TEAD1: variants seen among roughly 807,000 people sequenced by gnomAD.
TEAD1 encodes the protein transcriptional enhancer factor TEF-1.
In TEAD1, 9 loss-of-function variants were observed where a neutral mutation model predicts 54.9. That is an observed-to-expected ratio of 0.16 (90% confidence interval 0.10 to 0.29). The LOEUF is 0.29. Among genes scored for constraint, TEAD1 ranks in the 10% least tolerant of loss-of-function variants. The pLI, the probability that TEAD1 is intolerant of heterozygous loss-of-function variation, is 1.00. For missense variants in TEAD1, 387 were observed against 535.9 expected (o/e 0.72, Z 2.74); for synonymous variants, 200 against 187.8 (o/e 1.07, Z -0.53).
chr11:12,829,125 G>A (rs1206993185), intron 3 of TEAD1, among the ~76,000 whole-genome samples: 1 of 152,112 alleles, frequency 6.6e-6, no homozygotes, highest in Non-Finnish European at 1.5e-5. Context: ...CTGATCCAGA[G>A]AAACTCCCCA....
chr11:12,690,231 G>C lies in TEAD1; in HGVS notation c.-55+14670G>C, dbSNP rs141581554. ...CACTCCAACCTGGGCGACAGAGTGA[G>C]ACTCCGTCTCAAAAAAAAAAAAAAA... On this transcript the variant is annotated intron_variant, in intron 2 of 12. Coordinates refer to ENST00000527636, the MANE Select transcript of TEAD1 (RefSeq NM_021961.6). Among the ~76,000 whole-genome samples the C allele has an allele frequency of 3.3e-3, 447 of 134,576 alleles. 1 individual carries two copies. The highest frequency in any genetic ancestry group is 0.011 in the African/African-American group (411 of 35,780). 88.3% of individuals were successfully genotyped at this position (134,576 alleles called of 152,430 possible). A position where few individuals can be genotyped will look rare whatever the true frequency, so the allele number is the denominator to read the frequency against.
intron 3 of TEAD1, among the ~76,000 whole-genome samples, chr11:12,810,846 C>T (rs1456228157): frequency 6.6e-6 from 1 of 152,166 alleles, no homozygotes; most frequent in Non-Finnish European, 1.5e-5. Context: ...TTAGTGGCTG[C>T]TGTTAGTTAA....
chr11:12,906,254 A>G (rs554844366), intron 10 of TEAD1, among the ~76,000 whole-genome samples: 1 of 152,216 alleles, frequency 6.6e-6, no homozygotes, highest in African/African-American at 2.4e-5. Flanking sequence ...TTAAATGTAC[A>G]ATTTAGGCCT....
At chr11:12,750,947 G>T (rs770152837) in intron 2 of TEAD1, among the ~76,000 whole-genome samples, 3 of 152,084 alleles carry the variant, frequency 2.0e-5, no homozygotes, top group Admixed American at 6.5e-5. Flanking sequence ...ATTATTTCCG[G>T]CAACCATTCA....
intron 3 of TEAD1, among the ~76,000 whole-genome samples, chr11:12,835,426 C>G (rs944002887): frequency 2.0e-5 from 3 of 151,728 alleles, no homozygotes; most frequent in Admixed American, 2.0e-4. Context: ...ACTGCAGCTT[C>G]AGCCTCCCAA....
chr11:12,801,275 C>G (rs1946055025), intron 3 of TEAD1, among the ~76,000 whole-genome samples: 1 of 152,164 alleles, frequency 6.6e-6, no homozygotes. Flanking sequence ...GGTGATTGGT[C>G]TTGATGGGCT....
At chr11:12,786,526 T>A (rs746608208) in intron 3 of TEAD1, among the ~76,000 whole-genome samples, 4 of 152,226 alleles carry the variant, frequency 2.6e-5, no homozygotes, top group Non-Finnish European at 2.9e-5. Flanking sequence ...AGTTATTTTT[T>A]AGTATGAGTA....
chr11:12,730,505 C>G (rs1219636186), intron 2 of TEAD1, among the ~76,000 whole-genome samples: 1 of 123,096 alleles, frequency 8.1e-6, no homozygotes, highest in Non-Finnish European at 1.6e-5. Flanking sequence ...GTCTTAAAAA[C>G]TTGATTGAGA....
rs375142186 is a variant in TEAD1 at position 12,881,022 on chromosome 11, T to A, written c.483T>A (p.Ile161=). The change falls in exon 7 of 13, where the codon ATT becomes ATA. Residue 161 remains isoleucine, a synonymous_variant. Coordinates refer to ENST00000527636, the MANE Select transcript of TEAD1 (RefSeq NM_021961.6). ...CCTTCCAGTTCTGGCCGGGAATGATTCAAACAGGGCAGCCAGGATCCTCAC... is the reference window on the plus strand; with the variant it reads ...CCTTCCAGTTCTGGCCGGGAATGATACAAACAGGGCAGCCAGGATCCTCAC... 2 of 1,614,024 alleles carry A rather than the reference T, an allele frequency of 1.2e-6. No homozygotes were observed. The highest frequency in any genetic ancestry group is 1.7e-6 in the Non-Finnish European group (2 of 1,180,034).
intron 3 of TEAD1, among the ~76,000 whole-genome samples, chr11:12,769,992 A>C (rs979714549): frequency 6.6e-6 from 1 of 152,322 alleles, no homozygotes; most frequent in South Asian, 2.1e-4. Flanking sequence ...AAGAAGGAAA[A>C]AAAGAGGAAG....
At chr11:12,920,506 C>T (rs879575813) in intron 10 of TEAD1, among the ~76,000 whole-genome samples, 2 of 152,120 alleles carry the variant, frequency 1.3e-5, no homozygotes, top group African/African-American at 2.4e-5. Context: ...CACTAGACTG[C>T]TTTCCCCCAT....
intron 8 of TEAD1, among the ~76,000 whole-genome samples, 166 bp from the exon 9 acceptor site, chr11:12,882,835 G>A (rs1947999635): frequency 6.6e-6 from 1 of 152,152 alleles, no homozygotes; most frequent in African/African-American, 2.4e-5. Flanking sequence ...ACCATCACTG[G>A]GGCCCTCTGC....
At chr11:12,699,849 CACCTT>C (rs747217384) in intron 2 of TEAD1, among the ~76,000 whole-genome samples, 5 of 152,202 alleles carry the variant, frequency 3.3e-5, no homozygotes, top group Admixed American at 6.5e-5. Context: ...GAATTCAGTG[CACCTT>C]TTGAGATTAT....
intron 3 of TEAD1, among the ~76,000 whole-genome samples, chr11:12,832,252 C>G (rs1443270605): frequency 6.6e-6 from 1 of 152,164 alleles, no homozygotes; most frequent in Non-Finnish European, 1.5e-5. Context: ...AAATTGAAAG[C>G]AAGCAAACTA....
intron 6 of TEAD1, among the ~76,000 whole-genome samples, chr11:12,880,431 G>C (rs7118765): frequency 0.25 from 38,367 of 152,168 alleles, 4,960 homozygotes; most frequent in South Asian, 0.38. Context: ...TAGTGGAATG[G>C]ATAGTGATGT....
Position 12,864,907 on chromosome 11 carries a change from G to A in TEAD1, c.330+7G>A, listed in dbSNP as rs1321029226. 5 of 1,613,942 alleles carry A rather than the reference G, an allele frequency of 3.1e-6. No individual in the cohort carries two copies. Among genetic ancestry groups the A allele is most frequent in the Non-Finnish European group, 4.2e-6 (5 of 1,180,026 alleles). The stretch of plus-strand genomic sequence containing the variant: ...TTTTCATTCCAAGCTAAAGGTATGC[G>A]CTTTTCTGCTTTTTGGCTTGTGGTT... On this transcript the variant is annotated splice_region_variant and intron_variant, in intron 5 of 12. Transcript: ENST00000527636.
At chr11:12,825,636 T>TA (rs1191956856) in intron 3 of TEAD1, among the ~76,000 whole-genome samples, 21 of 152,074 alleles carry the variant, frequency 1.4e-4, no homozygotes, top group African/African-American at 4.6e-4. Flanking sequence ...TGCATCTTTT[T>TA]AAAAAAAATT....
intron 9 of TEAD1, among the ~76,000 whole-genome samples, chr11:12,883,523 A>G (rs1021439609): frequency 6.6e-6 from 1 of 152,216 alleles, no homozygotes; most frequent in Non-Finnish European, 1.5e-5. Context: ...CTAGGAAGCT[A>G]GGTACTAACT....
intron 3 of TEAD1, among the ~76,000 whole-genome samples, chr11:12,817,804 G>A (rs1413884559): frequency 6.6e-6 from 1 of 152,168 alleles, no homozygotes; most frequent in African/African-American, 2.4e-5. Flanking sequence ...GGGTTGACTT[G>A]AAAGTTTGAA....
Sources: allele counts gnomAD v4.1 joint callset (sites outside exome capture counted in the v4.1 genomes callset), GRCh38; gene constraint gnomAD v4.1.1; transcripts MANE v1.5; gene names NCBI Gene and HGNC (gene_info 2026-07-23, HGNC 2026-07-21).